The following GPHN variants were observed in gnomAD, a reference collection of about 807,000 sequenced individuals.
The protein encoded by GPHN is gephyrin.
Under a neutral mutation model 95.5 loss-of-function variants are expected in GPHN, and 17 were observed. The observed-to-expected ratio is 0.18, with a 90% CI of 0.12 to 0.27. The LOEUF (loss-of-function observed/expected upper bound fraction) is 0.27, where lower values mean the gene tolerates loss of function less well. GPHN is among the 10% of genes least tolerant of loss of function. The probability of loss-of-function intolerance (pLI) is 1.00; values close to 1 mark genes in which losing one functional copy is unlikely to be tolerated. For missense variants in GPHN, 660 were observed against 978.1 expected (o/e 0.67, Z 4.34); for synonymous variants, 320 against 322.5 (o/e 0.99, Z 0.08).
the GPHN span, among the ~76,000 whole-genome samples, chr14:67,603,996 G>GTTTTTTTTTTT: frequency 8.7e-5 from 13 of 150,138 alleles, 2 homozygotes; most frequent in Non-Finnish European, 1.3e-4. Context: ...CTTGTTTTTT[G>GTTTTTTTTTTT]TTTTTGTTTT....
intron 1 of GPHN, among the ~76,000 whole-genome samples, chr14:66,620,059 A>G (rs896143539): frequency 6.6e-6 from 1 of 152,000 alleles, no homozygotes; most frequent in Non-Finnish European, 1.5e-5. Flanking sequence ...CCACTGCCCT[A>G]CCTGTTAATG....
chr14:67,007,674 C>T (rs1315444088), intron 9 of GPHN, among the ~76,000 whole-genome samples: 2 of 152,238 alleles, frequency 1.3e-5, no homozygotes, highest in Non-Finnish European at 1.5e-5. Context: ...GTAAGTACCA[C>T]TCCTTCGGTC....
chr14:66,578,415 A>G (rs2060993667), intron 1 of GPHN, among the ~76,000 whole-genome samples: 1 of 151,938 alleles, frequency 6.6e-6, no homozygotes, highest in South Asian at 2.1e-4. Context: ...AAATAATGAC[A>G]GAAAACATTC....
chr14:66,561,202 C>G (rs1251389075), intron 1 of GPHN, among the ~76,000 whole-genome samples: 1 of 152,010 alleles, frequency 6.6e-6, no homozygotes, highest in African/African-American at 2.4e-5. Context: ...TCTAAAATCT[C>G]TTTTTTGGTT....
At chr14:67,580,988 C>G in the GPHN span, 1 of 1,613,582 alleles carries the variant, frequency 6.2e-7, no homozygotes, top group Non-Finnish European at 8.5e-7. Context: ...AGCTGCACCC[C>G]GGAAAGTCTG....
At chr14:66,579,937 A>G (rs1404663841) in intron 1 of GPHN, among the ~76,000 whole-genome samples, 1 of 151,854 alleles carries the variant, frequency 6.6e-6, no homozygotes, top group Non-Finnish European at 1.5e-5. Flanking sequence ...TCTTAAGCAT[A>G]TGCTAAACAT....
chr14:67,565,599 G>A, the GPHN span, among the ~76,000 whole-genome samples: 4 of 152,230 alleles, frequency 2.6e-5, no homozygotes, highest in South Asian at 2.1e-4. Flanking sequence ...TCCTCTTAAG[G>A]GACATTGCCA....
intron 2 of GPHN, among the ~76,000 whole-genome samples, chr14:66,700,789 G>T (rs2068485499): frequency 1.3e-5 from 2 of 152,110 alleles, no homozygotes; most frequent in South Asian, 4.1e-4. Context: ...TGGGCGTGGT[G>T]GCGTGCGCCT....
the GPHN span, chr14:67,350,462 A>G: frequency 1.1e-5 from 6 of 567,902 alleles, no homozygotes; most frequent in Non-Finnish European, 1.8e-5. Flanking sequence ...AGTGGAGTTA[A>G]GGTGATGGGG....
chr14:67,615,837 G>A, the GPHN span: 4 of 619,450 alleles, frequency 6.5e-6, no homozygotes, highest in Admixed American at 6.5e-5. Flanking sequence ...GAACATTCTG[G>A]CCTGTCCATT....
chr14:67,513,198 C>A, the GPHN span, among the ~76,000 whole-genome samples: 8 of 152,308 alleles, frequency 5.3e-5, no homozygotes, highest in African/African-American at 1.9e-4. Flanking sequence ...CCACTGGAGG[C>A]TCGGAGGTCA....
the GPHN span, chr14:67,578,634 G>A: frequency 1.3e-5 from 20 of 1,578,372 alleles, no homozygotes; most frequent in Admixed American, 6.9e-5. The surrounding 1 kb of genome is among the most constrained non-coding windows in gnomAD (Gnocchi z 5.0). Flanking sequence ...GATCCCAGGT[G>A]AGTGAACCTG....
the GPHN span, among the ~76,000 whole-genome samples, chr14:67,250,917 C>T: frequency 3.9e-5 from 6 of 152,180 alleles, no homozygotes; most frequent in African/African-American, 9.7e-5. Context: ...TTGTATCCCT[C>T]GCTGTGTCTC....
At chr14:66,728,920 C>A (rs528993095) in intron 2 of GPHN, among the ~76,000 whole-genome samples, 7 of 152,240 alleles carry the variant, frequency 4.6e-5, no homozygotes, top group African/African-American at 1.7e-4. Flanking sequence ...CCACCCAGAT[C>A]TCATCTTGAA....
the GPHN span, among the ~76,000 whole-genome samples, chr14:67,536,519 C>T: frequency 6.6e-6 from 1 of 151,776 alleles, no homozygotes; most frequent in African/African-American, 2.4e-5. Context: ...AGCCCCGTTG[C>T]CTTCCAATGC....
chr14:66,558,017 A>G (rs1232682529), intron 1 of GPHN, among the ~76,000 whole-genome samples: 1 of 152,142 alleles, frequency 6.6e-6, no homozygotes, highest in Non-Finnish European at 1.5e-5. Context: ...TAAGTATATA[A>G]TTATTATTTT....
rs901525773 is a variant in GPHN, at chr14:66,812,702, T to C, written c.202-11772T>C. The stretch of plus-strand genomic sequence containing the variant: ...CACCTGAGCCAGTGAAATCATTTAG[T>C]AAATATATAGCATCATTAAATAAAA... On this transcript the variant is annotated intron_variant, in intron 3 of 22. Transcript: ENST00000478722. Among the ~76,000 whole-genome samples, 6 of 152,206 alleles carry C rather than the reference T, an allele frequency of 3.9e-5. No homozygotes were observed. In the East Asian group the frequency reaches 1.2e-3, roughly 29 times the overall value.
chr14:67,228,927 A>G, the GPHN span, among the ~76,000 whole-genome samples: 1 of 152,234 alleles, frequency 6.6e-6, no homozygotes, highest in East Asian at 1.9e-4. Flanking sequence ...TAAAAATAAA[A>G]AAGAAACTAC....
chr14:67,620,857 TCTCTAC>T, the GPHN span: 1 of 1,612,160 alleles, frequency 6.2e-7, no homozygotes, highest in East Asian at 2.2e-5. Flanking sequence ...TCCGACACCT[TCTCTAC>T]CTCTAATTGT....
Sources: allele counts gnomAD v4.1 joint callset (sites outside exome capture counted in the v4.1 genomes callset), GRCh38; gene constraint gnomAD v4.1.1; non-coding constraint Gnocchi (gnomAD v3.1); transcripts MANE v1.5; gene names NCBI Gene and HGNC (gene_info 2026-07-23, HGNC 2026-07-21).